CBFB: variants seen among roughly 807,000 people sequenced by gnomAD.
The protein encoded by CBFB is CBF-beta.
Under a neutral mutation model 30.4 loss-of-function variants are expected in CBFB, and 9 were observed. The ratio of observed to expected loss-of-function variants is 0.30; its 90% CI spans 0.18 to 0.52. The LOEUF (loss-of-function observed/expected upper bound fraction) is 0.52. Ranked by LOEUF, CBFB falls within the 20% of genes least tolerant of loss-of-function variation. The pLI is 0.97. For synonymous variants in CBFB, 94 were observed against 84.0 expected (o/e 1.12, Z -0.65); for missense variants, 170 against 244.0 (o/e 0.70, Z 2.02).
chr16:67,090,002 G>A (rs1311407137), intron 5 of CBFB, among the ~76,000 whole-genome samples: 1 of 152,178 alleles, frequency 6.6e-6, no homozygotes, highest in African/African-American at 2.4e-5. Context: ...TATGAAAGTC[G>A]AAGATACTAT....
chr16:67,041,345 T>C lies in CBFB; in HGVS notation c.282+4590T>C, dbSNP rs549018928. Among the ~76,000 whole-genome samples the C allele has an allele frequency of 5.9e-5, 9 of 152,316 alleles. No individual in the cohort carries two copies. The South Asian group carries it at 1.9e-3, about 32-fold the overall frequency. ...AGGGGGCAAAAGTGAAGCAGGCTAT[T>C]GCAGTAATCTTGGTGAGAGACCAGG... On this transcript the variant is annotated intron_variant, in intron 3 of 5. Coordinates refer to ENST00000412916, the MANE Select transcript of CBFB (RefSeq NM_022845.3).
intron 3 of CBFB, among the ~76,000 whole-genome samples, chr16:67,053,052 C>T (rs1397174511): frequency 6.6e-6 from 1 of 151,012 alleles, no homozygotes; most frequent in Non-Finnish European, 1.5e-5. Flanking sequence ...CTTTACAGTT[C>T]TTTTCCTCAA....
chr16:67,047,649 C>T (rs1490317575), intron 3 of CBFB, among the ~76,000 whole-genome samples: 1 of 152,156 alleles, frequency 6.6e-6, no homozygotes, highest in Admixed American at 6.6e-5. Context: ...GTTTGCAGAA[C>T]AGTGTTCTAA....
chr16:67,046,659 C>T (rs1966633300), intron 3 of CBFB, among the ~76,000 whole-genome samples: 1 of 152,194 alleles, frequency 6.6e-6, no homozygotes, highest in South Asian at 2.1e-4. Flanking sequence ...TTCCCTCATG[C>T]CCCCTTGCAG....
intron 3 of CBFB, among the ~76,000 whole-genome samples, chr16:67,042,860 C>T (rs1334001205): frequency 6.6e-6 from 1 of 152,152 alleles, no homozygotes; most frequent in Non-Finnish European, 1.5e-5. Context: ...CTCAGCCTCT[C>T]AAGTAGCTGG....
intron 4 of CBFB, among the ~76,000 whole-genome samples, chr16:67,080,334 T>C (rs1961520574): frequency 6.6e-6 from 1 of 152,078 alleles, no homozygotes; most frequent in Non-Finnish European, 1.5e-5. Flanking sequence ...GGGTCTGAAC[T>C]AGGAGGAAAC....
intron 4 of CBFB, among the ~76,000 whole-genome samples, chr16:67,070,336 C>G (rs942164964): frequency 2.6e-5 from 4 of 152,162 alleles, no homozygotes; most frequent in African/African-American, 9.7e-5. Flanking sequence ...CCCAGGAGTT[C>G]CAGCCCAGCC....
chr16:67,034,657 T>C (rs1025334421), intron 2 of CBFB, among the ~76,000 whole-genome samples: 6 of 152,132 alleles, frequency 3.9e-5, no homozygotes, highest in Non-Finnish European at 7.3e-5. Flanking sequence ...AGACAGGAGA[T>C]GAGGTAATAC....
At chr16:67,034,075 G>C (rs966401910) in intron 2 of CBFB, among the ~76,000 whole-genome samples, 3 of 151,942 alleles carry the variant, frequency 2.0e-5, no homozygotes, top group African/African-American at 7.3e-5. Context: ...TGATCTGCCT[G>C]TGTTGGCCTC....
intron 3 of CBFB, among the ~76,000 whole-genome samples, chr16:67,048,062 CA>C (rs541051937): frequency 1.3e-5 from 2 of 151,412 alleles, no homozygotes; most frequent in African/African-American, 2.4e-5. Flanking sequence ...AATTCCATCT[CA>C]AAAAAAATAA....
chr16:67,054,672 A>C (rs182887517), intron 3 of CBFB, among the ~76,000 whole-genome samples: 1 of 152,064 alleles, frequency 6.6e-6, no homozygotes, highest in African/African-American at 2.4e-5. Flanking sequence ...TTTTTGGTCT[A>C]CCTTCCAGAA....
chr16:67,083,691 CT>C (rs1481480406), intron 5 of CBFB, among the ~76,000 whole-genome samples: 1 of 152,018 alleles, frequency 6.6e-6, no homozygotes. Flanking sequence ...AAAATTTGAG[CT>C]TTTTTCCCCC....
At chr16:67,084,033 G>GCAT (rs2145774092) in intron 5 of CBFB, among the ~76,000 whole-genome samples, 1 of 151,836 alleles carries the variant, frequency 6.6e-6, no homozygotes, top group East Asian at 1.9e-4. Flanking sequence ...CCAGCATGGT[G>GCAT]GCACATGCCT....
intron 3 of CBFB, among the ~76,000 whole-genome samples, chr16:67,057,470 C>T (rs551497188): frequency 2.4e-4 from 37 of 152,252 alleles, no homozygotes; most frequent in African/African-American, 7.2e-4. Flanking sequence ...ACAGACGTGG[C>T]ATTGCTGTGT....
chr16:67,060,005 C>A (rs1043635368), intron 3 of CBFB, among the ~76,000 whole-genome samples: 1 of 148,590 alleles, frequency 6.7e-6, no homozygotes, highest in Non-Finnish European at 1.5e-5. Context: ...GACAGAGTTT[C>A]GCTCTATATC....
At chr16:67,029,527 C>G in intron 1 of CBFB, 42 bp downstream of exon 1, 2 of 1,543,416 alleles carry the variant, frequency 1.3e-6, no homozygotes, top group South Asian at 1.2e-5. Flanking sequence ...GCAGCGCGCC[C>G]CGAGTGGGCC....
chr16:67,045,883 C>T (rs1410337525), intron 3 of CBFB, among the ~76,000 whole-genome samples: 1 of 151,432 alleles, frequency 6.6e-6, no homozygotes, highest in Non-Finnish European at 1.5e-5. Flanking sequence ...GCAACCTCCG[C>T]CTCCCAGGTT....
At chr16:67,038,793 G>GT (rs1000945240) in intron 3 of CBFB, among the ~76,000 whole-genome samples, 3 of 150,944 alleles carry the variant, frequency 2.0e-5, no homozygotes, top group Non-Finnish European at 4.4e-5. Flanking sequence ...AAAAAAATTT[G>GT]TTTTTTGTCA....
At chr16:67,098,641 A>T in intron 5 of CBFB, 69 bp from the exon 6 acceptor site, 4 of 911,758 alleles carry the variant, frequency 4.4e-6, no homozygotes, top group Middle Eastern at 2.1e-4. Flanking sequence ...ACTGTCTTGT[A>T]TTTTGTATAT....
Sources: gnomAD v4.1 joint callset for allele counts (sites outside exome capture counted in the v4.1 genomes callset) on GRCh38, gnomAD v4.1.1 for gene constraint, MANE v1.5 for transcripts, NCBI Gene and HGNC (gene_info 2026-07-23, HGNC 2026-07-21) for gene names.